The following HNF1B variants were observed in gnomAD, a reference collection of about 807,000 sequenced individuals.
HNF1B encodes HNF1 homeobox B.
Under a neutral mutation model 61.7 loss-of-function variants are expected in HNF1B, and 8 were observed. The observed-to-expected ratio is 0.13, with a 90% CI of 0.08 to 0.23. HNF1B has a LOEUF of 0.23. Ranked by LOEUF, HNF1B falls within the 10% of genes least tolerant of loss-of-function variation. The pLI is 1.00. For synonymous variants in HNF1B, 314 were observed against 287.7 expected, an observed-to-expected ratio of 1.09 and a Z score of -0.93; for missense variants, 562 against 714.5, an observed-to-expected ratio of 0.79 and a Z score of 2.43.
intron 8 of HNF1B, among the ~76,000 whole-genome samples, chr17:37,690,744 T>C (rs2032172714): frequency 6.6e-6 from 1 of 152,104 alleles, no homozygotes; most frequent in African/African-American, 2.4e-5. Flanking sequence ...TAGGATGAAA[T>C]AGGGCAAAAT....
At chr17:37,724,904 G>A (rs1317255974) in intron 4 of HNF1B, among the ~76,000 whole-genome samples, 7 of 15,436 alleles carry the variant, frequency 4.5e-4, no homozygotes, top group Admixed American at 7.0e-4. Context: ...ATATGTATGC[G>A]TGTGTGTGTG....
At chr17:37,721,730 T>C (rs963364943) in intron 4 of HNF1B, among the ~76,000 whole-genome samples, 1 of 151,978 alleles carries the variant, frequency 6.6e-6, no homozygotes, top group Non-Finnish European at 1.5e-5. Context: ...TTTTTTTTTT[T>C]TTTTTAGAGA....
rs542722929 is a variant in HNF1B at position 37,698,076 on chromosome 17, G to A, written c.1653+1000C>T. 5.9e-5 allele frequency among the ~76,000 whole-genome samples: 9 copies of A among 152,196 alleles called. No homozygotes were observed. In the East Asian group the frequency reaches 1.7e-3, roughly 29 times the overall value. ...AAAGGATAGAGAACCCTGATCCCAT[G>A]AAGGAACCTCCTGGGAAGCCCATGG... is the stretch of plus-strand genomic sequence containing the variant. On this transcript the variant is annotated intron_variant, in intron 8 of 8. Coordinates refer to ENST00000617811, the MANE Select transcript of HNF1B (RefSeq NM_000458.4).
At chr17:37,689,659 C>T (rs1423969705) in intron 8 of HNF1B, among the ~76,000 whole-genome samples, 18 of 152,322 alleles carry the variant, frequency 1.2e-4, no homozygotes, top group East Asian at 9.6e-4. Flanking sequence ...TGAGAGACCG[C>T]GGGGCCCTCC....
intron 1 of HNF1B, among the ~76,000 whole-genome samples, chr17:37,739,922 G>A (rs931813342): frequency 1.3e-5 from 2 of 151,874 alleles, no homozygotes; most frequent in African/African-American, 2.4e-5. Flanking sequence ...CTCTTATTAA[G>A]CAAAAAGAAA....
chr17:37,699,998 A>G (rs1183459580), intron 7 of HNF1B, among the ~76,000 whole-genome samples: 1 of 152,234 alleles, frequency 6.6e-6, no homozygotes, highest in Non-Finnish European at 1.5e-5. Flanking sequence ...AACGCAGTTT[A>G]CCCCTATGTT....
chr17:37,731,385 C>T, intron 4 of HNF1B: 1 of 675,462 alleles, frequency 1.5e-6, no homozygotes, highest in Non-Finnish European at 2.7e-6. Flanking sequence ...CCGAGTGAGC[C>T]CTCACAGGGC....
intron 4 of HNF1B, chr17:37,728,923 A>AG: frequency 6.5e-6 from 1 of 154,766 alleles, no homozygotes. Context: ...ACTGCCTCTT[A>AG]GGGGGAATGC....
chr17:37,738,407 G>A (rs972999383), intron 2 of HNF1B, among the ~76,000 whole-genome samples: 1 of 152,150 alleles, frequency 6.6e-6, no homozygotes, highest in Non-Finnish European at 1.5e-5. Context: ...GTGTGTAACA[G>A]AAGACAAGAG....
At chr17:37,697,300 A>T (rs1280514302) in intron 8 of HNF1B, among the ~76,000 whole-genome samples, 4 of 152,202 alleles carry the variant, frequency 2.6e-5, no homozygotes, top group Admixed American at 1.3e-4. Context: ...CGCAGAAATG[A>T]GTCTATTGCC....
At chr17:37,744,105 A>T (rs2034088319) in intron 1 of HNF1B, among the ~76,000 whole-genome samples, 1 of 152,376 alleles carries the variant, frequency 6.6e-6, no homozygotes, top group South Asian at 2.1e-4. Context: ...CGAGGCCGAC[A>T]TGCGGCTTTC....
At chr17:37,693,936 T>G (rs993694510) in intron 8 of HNF1B, among the ~76,000 whole-genome samples, 1 of 152,176 alleles carries the variant, frequency 6.6e-6, no homozygotes, top group Non-Finnish European at 1.5e-5. Flanking sequence ...ACATGCCTAT[T>G]CCCCCTTTAC....
chr17:37,728,471 TA>T (rs1241552090), intron 4 of HNF1B: 1 of 152,018 alleles, frequency 6.6e-6, no homozygotes, highest in Non-Finnish European at 1.5e-5. Context: ...CACACCCGGC[TA>T]ATTTTTTGTA....
chr17:37,712,135 G>T (rs899757728), intron 4 of HNF1B, among the ~76,000 whole-genome samples: 2 of 152,254 alleles, frequency 1.3e-5, no homozygotes, highest in African/African-American at 4.8e-5. Flanking sequence ...ACCTTCAAGA[G>T]CAACTTGTCT....
At chr17:37,701,788 G>A (rs1175343588) in intron 6 of HNF1B, among the ~76,000 whole-genome samples, 1 of 152,198 alleles carries the variant, frequency 6.6e-6, no homozygotes. Context: ...GCCAGTCTGC[G>A]AGGCGGGCAT....
chr17:37,697,851 G>C (rs1280230479), intron 8 of HNF1B, among the ~76,000 whole-genome samples: 1 of 152,152 alleles, frequency 6.6e-6, no homozygotes, highest in Non-Finnish European at 1.5e-5. Flanking sequence ...TCGTGTGTGT[G>C]TTTCAGTGCC....
Position 37,716,296 on chromosome 17 carries a change from C to G in HNF1B, c.1046-5633G>C, listed in dbSNP as rs146406510. Among the ~76,000 whole-genome samples the G allele has an allele frequency of 4.4e-3, 670 of 152,246 alleles. 6 individuals carry two copies. Among genetic ancestry groups the G allele is most frequent in the Middle Eastern group, 0.014 (4 of 294 alleles). ...CACGGCAACCTTCGCCTCCCGGGCTCAAGTGATTCTCCTGCCTCAGCCTCC... is the reference window on the plus strand; with the variant it reads ...CACGGCAACCTTCGCCTCCCGGGCTGAAGTGATTCTCCTGCCTCAGCCTCC... On this transcript the variant is annotated intron_variant, in intron 4 of 8. Coordinates refer to ENST00000617811, the MANE Select transcript of HNF1B (RefSeq NM_000458.4).
At chr17:37,705,285 C>A (rs994015791) in intron 5 of HNF1B, among the ~76,000 whole-genome samples, 2 of 143,920 alleles carry the variant, frequency 1.4e-5, no homozygotes, top group African/African-American at 2.7e-5. Flanking sequence ...GCCTGGGCAA[C>A]ATGGTGAAAT....
chr17:37,687,365 G>A lies in HNF1B; in HGVS notation c.*7C>T, dbSNP rs765651394. 1 of 1,614,056 alleles carries A rather than the reference G, an allele frequency of 6.2e-7. No homozygotes were observed. The highest frequency in any genetic ancestry group is 1.7e-5 in the Admixed American group (1 of 60,018). On this transcript the variant is annotated 3_prime_UTR_variant, in exon 9 of 9. Transcript: ENST00000617811. ...TTGTTGCGCACGAAGTAAGTGGTGT[G>A]TGGGCATCACCAGGCTTGTAGAGGA...
Sources: gnomAD v4.1 joint callset for allele counts (sites outside exome capture counted in the v4.1 genomes callset) on GRCh38, gnomAD v4.1.1 for gene constraint, MANE v1.5 for transcripts, NCBI Gene and HGNC (gene_info 2026-07-23, HGNC 2026-07-21) for gene names.